Variants in GRM5 observed in about 807,000 individuals in gnomAD.
GRM5 encodes the protein metabotropic glutamate receptor 5.
GRM5 carries 19 observed loss-of-function variants against 83.1 expected under a neutral mutation model. The ratio of observed to expected loss-of-function variants is 0.23; its 90% confidence interval spans 0.16 to 0.34. The LOEUF is 0.34. GRM5 is among the 10% of genes least tolerant of loss of function. GRM5 has a pLI of 1.00. For synonymous variants in GRM5, 675 were observed against 633.6 expected (o/e 1.07, Z -0.98); for missense variants, 1,160 against 1,588.3 (o/e 0.73, Z 4.58).
intron 3 of GRM5, among the ~76,000 whole-genome samples, chr11:88,804,233 A>G (rs1265495477): frequency 6.8e-6 from 1 of 147,266 alleles, no homozygotes; most frequent in Non-Finnish European, 1.5e-5. Context: ...AGACACATGC[A>G]CACGTATGTT....
At chr11:88,658,482 T>A (rs72639191) in intron 3 of GRM5, among the ~76,000 whole-genome samples, 3,177 of 152,218 alleles carry the variant, frequency 0.021, 90 homozygotes, top group East Asian at 0.12. Context: ...TGAAATTGTA[T>A]TGAAACTGAG....
rs193165955 is a variant in GRM5 at position 88,594,639 on chromosome 11, T to C, written c.1563+2545A>G. ...GCCATTTAGCAGACATTAATTAATTTATTTTTATCTTCATTTACCTTATCT... is the reference window on the plus strand; with the variant it reads ...GCCATTTAGCAGACATTAATTAATTCATTTTTATCTTCATTTACCTTATCT... On this transcript the variant is annotated intron_variant, in intron 6 of 9. Coordinates refer to ENST00000305447, the MANE Select transcript of GRM5 (RefSeq NM_001143831.3). 2.0e-5 allele frequency among the ~76,000 whole-genome samples: 3 copies of C among 152,374 alleles called. No individual in the cohort carries two copies. The East Asian group carries it at 5.8e-4, about 29-fold the overall frequency.
At position 89,029,377 on chromosome 11, in the gene GRM5, A is replaced by G. The variant is rs550067918; in HGVS notation, c.661+17835T>C. On this transcript the variant is annotated intron_variant, in intron 2 of 9. Transcript: ENST00000305447. ...AAGCTGTGATAATTAGTGACATAAC[A>G]AAGTCAGATAAATTAACTCAACCAT... 1.1e-4 allele frequency among the ~76,000 whole-genome samples: 16 copies of G among 152,354 alleles called. No individual in the cohort carries two copies. The South Asian group carries it at 3.3e-3, about 32-fold the overall frequency.
chr11:88,948,273 A>C (rs1202918952), intron 2 of GRM5, among the ~76,000 whole-genome samples: 2 of 152,216 alleles, frequency 1.3e-5, no homozygotes, highest in African/African-American at 4.8e-5. Context: ...TTTATTCTGC[A>C]ATTAATGAAT....
chr11:89,050,148 T>C (rs1340882696), intron 1 of GRM5, among the ~76,000 whole-genome samples: 1 of 152,196 alleles, frequency 6.6e-6, no homozygotes, highest in Admixed American at 6.5e-5. Flanking sequence ...AGATACAGTA[T>C]ACATGTTAAA....
intron 3 of GRM5, among the ~76,000 whole-genome samples, chr11:88,685,680 C>T (rs1168456387): frequency 6.6e-6 from 1 of 150,990 alleles, no homozygotes; most frequent in African/African-American, 2.4e-5. Flanking sequence ...GACTTGGTGT[C>T]CTGCATCCCA....
intron 3 of GRM5, among the ~76,000 whole-genome samples, chr11:88,720,082 A>AAAAT: frequency 6.6e-6 from 1 of 152,012 alleles, no homozygotes; most frequent in East Asian, 1.9e-4. Context: ...TCTCTTCCCT[A>AAAAT]AAATATAAAA....
intron 2 of GRM5, among the ~76,000 whole-genome samples, chr11:88,927,364 TATTTTGAATTTGCA>T (rs1333802549): frequency 6.6e-6 from 1 of 152,128 alleles, no homozygotes. Context: ...TTGGCATCAT[TATTTTGAATTTGCA>T]ATGTGAATGA....
At chr11:89,063,044 T>A (rs1255858277) in intron 1 of GRM5, among the ~76,000 whole-genome samples, 1 of 152,178 alleles carries the variant, frequency 6.6e-6, no homozygotes, top group Admixed American at 6.5e-5. Flanking sequence ...CTGTCCCCCC[T>A]CTTCCTGCAG....
chr11:88,579,221 T>C (rs1168992373), intron 7 of GRM5, among the ~76,000 whole-genome samples: 1 of 152,174 alleles, frequency 6.6e-6, no homozygotes, highest in East Asian at 1.9e-4. Context: ...AGGTGACAGG[T>C]ACTCAATACA....
intron 1 of GRM5, 35 bp downstream of exon 1, chr11:89,065,741 T>A (rs1458438288): frequency 6.6e-6 from 1 of 152,222 alleles, no homozygotes; most frequent in East Asian, 1.9e-4. Flanking sequence ...CCGTGGTAAC[T>A]ATAGCCAAGA....
chr11:89,028,223 T>C (rs183923948), intron 2 of GRM5, among the ~76,000 whole-genome samples: 42 of 152,316 alleles, frequency 2.8e-4, no homozygotes, highest in Admixed American at 8.5e-4. Flanking sequence ...CACATCCTCA[T>C]TAATTATAAC....
intron 5 of GRM5, among the ~76,000 whole-genome samples, chr11:88,600,792 T>G (rs536350262): frequency 6.6e-6 from 1 of 152,304 alleles, no homozygotes; most frequent in South Asian, 2.1e-4. Flanking sequence ...CTGAAGAGTA[T>G]TACTTTTATG....
chr11:88,617,816 A>T (rs1194559793), intron 4 of GRM5, among the ~76,000 whole-genome samples: 1 of 152,168 alleles, frequency 6.6e-6, no homozygotes, highest in African/African-American at 2.4e-5. Context: ...ACAGAAAGTG[A>T]GAGGCAGAGG....
chr11:88,960,268 A>G (rs571946495), intron 2 of GRM5, among the ~76,000 whole-genome samples: 33 of 152,364 alleles, frequency 2.2e-4, no homozygotes, highest in African/African-American at 6.5e-4. Context: ...GGCTGTAAAA[A>G]GAACAGAGAC....
intron 3 of GRM5, among the ~76,000 whole-genome samples, chr11:88,846,575 G>A (rs182597371): frequency 2.6e-5 from 4 of 152,304 alleles, no homozygotes; most frequent in Non-Finnish European, 5.9e-5. Flanking sequence ...AAGCACTTAA[G>A]TTGAACGACC....
At chr11:88,634,606 C>A (rs899509863) in intron 4 of GRM5, among the ~76,000 whole-genome samples, 1 of 152,164 alleles carries the variant, frequency 6.6e-6, no homozygotes, top group East Asian at 1.9e-4. Context: ...CAATAACACA[C>A]GGAGCTGTTA....
At chr11:88,960,054 T>C (rs1169070104) in intron 2 of GRM5, among the ~76,000 whole-genome samples, 1 of 152,172 alleles carries the variant, frequency 6.6e-6, no homozygotes, top group Admixed American at 6.5e-5. Flanking sequence ...GGGTAAAGCA[T>C]GTTCTCAGCG....
In GRM5 at chr11:88,508,832, C is replaced by A. The variant is rs751932063; in HGVS notation, c.3399G>T (p.Ala1133=). The change falls in exon 10 of 10, where the codon GCG becomes GCT. Residue 1133 remains alanine, a synonymous_variant. Coordinates refer to ENST00000305447, the MANE Select transcript of GRM5 (RefSeq NM_001143831.3). This position sits in a 1 kb window ranked among gnomAD's most constrained non-coding sequence, Gnocchi z 4.2. ...CCCGGGCCGCGTCCCCAGCCGCCTG[C>A]GCCCCTGCCGCGGGCTGCGCGCCTC... The part of the protein sequence containing the change: ...VTGGAQPAAG[A]QAAGDAARES... 9.1e-6 allele frequency: 14 copies of A among 1,540,228 alleles called. No homozygotes were observed. The highest frequency in any genetic ancestry group is 1.2e-5 in the Non-Finnish European group (14 of 1,143,788).
Sources: gnomAD v4.1 joint callset for allele counts (sites outside exome capture counted in the v4.1 genomes callset) on GRCh38, gnomAD v4.1.1 for gene constraint, Gnocchi (gnomAD v3.1) non-coding constraint, MANE v1.5 for transcripts, NCBI Gene and HGNC (gene_info 2026-07-23, HGNC 2026-07-21) for gene names.